The following ROR1 variants were observed in gnomAD, a reference collection of about 807,000 sequenced individuals.
The protein encoded by ROR1 is ROR family WNT receptor 1.
ROR1 carries 19 observed loss-of-function variants against 78.8 expected under a neutral mutation model. The ratio of observed to expected loss-of-function variants is 0.24; its 90% confidence interval spans 0.17 to 0.35. The LOEUF (loss-of-function observed/expected upper bound fraction) is 0.35, where lower values mean the gene tolerates loss of function less well. Among genes scored for constraint, ROR1 ranks in the 10% least tolerant of loss-of-function variants. ROR1 has a pLI of 1.00. For synonymous variants in ROR1, 386 were observed against 433.6 expected (o/e 0.89, Z 1.36); for missense variants, 917 against 1,177.8 (o/e 0.78, Z 3.24).
intron 1 of ROR1, among the ~76,000 whole-genome samples, chr1:63,919,668 C>T (rs1015537332): frequency 6.6e-6 from 1 of 152,040 alleles, no homozygotes; most frequent in Non-Finnish European, 1.5e-5. Context: ...GTCTTTCTGA[C>T]CTTGAGTAAA....
intron 1 of ROR1, among the ~76,000 whole-genome samples, chr1:63,809,187 C>T (rs961120523): frequency 6.6e-6 from 1 of 152,168 alleles, no homozygotes; most frequent in African/African-American, 2.4e-5. Flanking sequence ...CAGAAACCCT[C>T]AGCAAATACT....
chr1:63,951,201 T>C (rs780522472), intron 1 of ROR1, among the ~76,000 whole-genome samples: 8 of 152,132 alleles, frequency 5.3e-5, no homozygotes, highest in Non-Finnish European at 1.0e-4. Context: ...GACAGTTAAT[T>C]TCTTTACCAG....
At chr1:63,845,466 T>C (rs1414044730) in intron 1 of ROR1, among the ~76,000 whole-genome samples, 1 of 152,236 alleles carries the variant, frequency 6.6e-6, no homozygotes, top group African/African-American at 2.4e-5. Flanking sequence ...TAGTCTGTCT[T>C]CCTTGGCTTT....
At chr1:63,778,541 C>T (rs1644631218) in intron 1 of ROR1, among the ~76,000 whole-genome samples, 1 of 152,166 alleles carries the variant, frequency 6.6e-6, no homozygotes. Context: ...TTAATTGGGC[C>T]TGAGAGAAGC....
At chr1:63,849,388 C>T (rs942752309) in intron 1 of ROR1, among the ~76,000 whole-genome samples, 2 of 152,078 alleles carry the variant, frequency 1.3e-5, no homozygotes, top group African/African-American at 4.8e-5. Flanking sequence ...GTGATGGCCA[C>T]CAGTCTTATT....
chr1:64,009,229 A>T, intron 1 of ROR1, 76 bp from the exon 2 acceptor site: 1 of 1,117,054 alleles, frequency 9.0e-7, no homozygotes, highest in Non-Finnish European at 1.4e-6. Context: ...ATCTCCTCTA[A>T]TGCTTCTAAC....
At chr1:63,945,162 C>T (rs1357498413) in intron 1 of ROR1, among the ~76,000 whole-genome samples, 2 of 152,090 alleles carry the variant, frequency 1.3e-5, no homozygotes, top group Non-Finnish European at 2.9e-5. Context: ...TTAGTATGGT[C>T]CTCTGTAGTT....
chr1:64,112,144 T>C (rs926451302), intron 4 of ROR1: 1 of 152,134 alleles, frequency 6.6e-6, no homozygotes, highest in African/African-American at 2.4e-5. Flanking sequence ...GGACATGAGC[T>C]TTTGAAAATA....
intron 1 of ROR1, among the ~76,000 whole-genome samples, chr1:63,787,442 C>T (rs1035183729): frequency 9.4e-6 from 1 of 106,434 alleles, no homozygotes; most frequent in African/African-American, 5.3e-5. Context: ...CCTTTCTTTC[C>T]TTCCTTCCTT....
intron 4 of ROR1, among the ~76,000 whole-genome samples, chr1:64,102,074 T>C (rs1028559334): frequency 3.3e-5 from 5 of 152,154 alleles, no homozygotes; most frequent in Admixed American, 1.3e-4. Context: ...AAGAAGGTCC[T>C]GCTCTCAAGA....
intron 4 of ROR1, among the ~76,000 whole-genome samples, chr1:64,067,646 T>C (rs1489973657): frequency 6.6e-6 from 1 of 151,880 alleles, no homozygotes; most frequent in Non-Finnish European, 1.5e-5. Flanking sequence ...TTTAGAATAA[T>C]TGAATTGACT....
intron 1 of ROR1, among the ~76,000 whole-genome samples, chr1:63,855,366 C>A (rs1216742330): frequency 6.6e-6 from 1 of 152,084 alleles, no homozygotes; most frequent in African/African-American, 2.4e-5. Context: ...TTCTTGGAGG[C>A]AAGGGCAATT....
intron 1 of ROR1, among the ~76,000 whole-genome samples, chr1:63,879,925 G>A (rs1315466099): frequency 2.0e-5 from 3 of 152,070 alleles, no homozygotes; most frequent in African/African-American, 7.2e-5. Flanking sequence ...GTTGGAGTAG[G>A]GGTCCCCAAA....
At chr1:64,120,538 T>A (rs1648492136) in intron 4 of ROR1, among the ~76,000 whole-genome samples, 1 of 152,020 alleles carries the variant, frequency 6.6e-6, no homozygotes, top group South Asian at 2.1e-4. Context: ...GTCTTTGAAA[T>A]CCAGAGTGTA....
intron 8 of ROR1, among the ~76,000 whole-genome samples, chr1:64,176,375 A>G (rs552987964): frequency 6.6e-6 from 1 of 152,304 alleles, no homozygotes; most frequent in Non-Finnish European, 1.5e-5. Flanking sequence ...CATAGGTCTG[A>G]GTGCTTTACA....
chr1:63,880,403 A>G (rs1345227852), intron 1 of ROR1, among the ~76,000 whole-genome samples: 1 of 152,152 alleles, frequency 6.6e-6, no homozygotes, highest in Non-Finnish European at 1.5e-5. Flanking sequence ...ATGGGGTAAT[A>G]GTTTCCCAGC....
At chr1:64,096,819 T>TA (rs140106778) in intron 4 of ROR1, among the ~76,000 whole-genome samples, 5,137 of 152,196 alleles carry the variant, frequency 0.034, 292 homozygotes, top group African/African-American at 0.12. Flanking sequence ...GGAATCACCA[T>TA]ACTGTCTTCC....
intron 1 of ROR1, among the ~76,000 whole-genome samples, chr1:63,983,004 C>T (rs1196485384): frequency 6.6e-6 from 1 of 152,166 alleles, no homozygotes; most frequent in Non-Finnish European, 1.5e-5. Context: ...AGTATGTACT[C>T]TGTAAATGTT....
At chr1:64,114,386 G>A (rs940557307) in intron 4 of ROR1, among the ~76,000 whole-genome samples, 1 of 152,196 alleles carries the variant, frequency 6.6e-6, no homozygotes, top group Non-Finnish European at 1.5e-5. Flanking sequence ...TTAGAAGAGA[G>A]AGAGCAGTTT....
Sources: gnomAD v4.1 joint callset for allele counts (sites outside exome capture counted in the v4.1 genomes callset) on GRCh38, gnomAD v4.1.1 for gene constraint, MANE v1.5 for transcripts, NCBI Gene and HGNC (gene_info 2026-07-23, HGNC 2026-07-21) for gene names.